ITGB2: variants seen among roughly 807,000 people sequenced by gnomAD.
ITGB2 encodes integrin subunit beta 2.
Under a neutral mutation model 86.8 loss-of-function variants are expected in ITGB2, and 56 were observed. The ratio of observed to expected loss-of-function variants is 0.65; its 90% CI spans 0.52 to 0.81. ITGB2 has a LOEUF of 0.81. Among genes scored for constraint, ITGB2 ranks in the 30% least tolerant of loss-of-function variants. ITGB2 has a pLI of 0.00. For missense variants in ITGB2, 948 were observed against 1,061.2 expected (o/e 0.89, Z 1.48); for synonymous variants, 457 against 450.4 (o/e 1.01, Z -0.19).
At chr21:44,921,800 C>T (rs2146570676), upstream of ITGB2, among the ~76,000 whole-genome samples, 1 of 152,294 alleles carries the variant, frequency 6.6e-6, no homozygotes, top group East Asian at 1.9e-4. Flanking sequence ...CAGCTCACTG[C>T]AACCTCTGCC....
chr21:44,893,540 AG>A lies in ITGB2; in HGVS notation c.1087del (p.Leu363SerfsTer16). On this transcript the variant is annotated frameshift_variant, in exon 10 of 16. Coordinates refer to ENST00000652462, the MANE Select transcript of ITGB2 (RefSeq NM_000211.5). LOFTEE classifies it high-confidence loss of function. Reference protein sequence around the residue: ...VHLIKNAYNKLSSRVFLDHNA... With the variant: ...VHLIKNAYNKXSSRVFLDHNA... ...GTGATCCAGGAAGACCCTGGAGGAG[AG>A]TTTCTGCGGGCAGAGAGCGGTTACT... The A allele has an allele frequency of 6.2e-7, 1 of 1,613,440 alleles. No individual in the cohort carries two copies.
chr21:44,894,223 T>A lies in ITGB2; in HGVS notation c.1084-679A>T, dbSNP rs148284025. Reference sequence around the variant, plus strand: ...CTCACGGGAGGCTACGAGAAGCAAATGGCACCTCCTCCACGGGCCTTCAGT... The same window carrying A: ...CTCACGGGAGGCTACGAGAAGCAAAAGGCACCTCCTCCACGGGCCTTCAGT... On this transcript the variant is annotated intron_variant, in intron 9 of 15. Transcript: ENST00000652462. The A allele has an allele frequency of 7.1e-3, 1,163 of 163,576 alleles. 8 individuals carry two copies. The highest frequency in any genetic ancestry group is 0.011 in the Non-Finnish European group (831 of 73,752). The allele number at this position is 163,576 out of a possible 1,614,324, so 10.1% of individuals were successfully genotyped here.
intron 4 of ITGB2, among the ~76,000 whole-genome samples, chr21:44,905,235 T>A (rs1050910682): frequency 3.3e-5 from 5 of 151,988 alleles, no homozygotes; most frequent in Non-Finnish European, 7.4e-5. Context: ...CCTTCCCAGA[T>A]CCTGCCGCCC....
At chr21:44,886,509 G>T in intron 15 of ITGB2, 79 bp from the exon 16 acceptor site, 2 of 1,496,692 alleles carry the variant, frequency 1.3e-6, no homozygotes, top group Non-Finnish European at 9.3e-7. Flanking sequence ...GACACTCCCC[G>T]CATGGAAGCC....
intron 1 of ITGB2, chr21:44,911,076 G>T: frequency 3.8e-6 from 2 of 528,672 alleles, no homozygotes; most frequent in Non-Finnish European, 6.9e-6. Flanking sequence ...CACACATGCA[G>T]ACGTGTACAC....
intron 12 of ITGB2, 109 bp from the exon 13 acceptor site, chr21:44,889,604 G>A: frequency 9.3e-7 from 1 of 1,069,968 alleles, no homozygotes; most frequent in Non-Finnish European, 1.4e-6. Flanking sequence ...CTCCAGCCTG[G>A]GGGATGTTCC....
chr21:44,901,776 C>A, intron 5 of ITGB2, 43 bp from the exon 6 acceptor site: 1 of 1,583,248 alleles, frequency 6.3e-7, no homozygotes, highest in South Asian at 1.1e-5. Context: ...CAGGCTGGGC[C>A]CAGGTGGGAG....
At chr21:44,887,762 C>T (rs925450955) in intron 14 of ITGB2, among the ~76,000 whole-genome samples, 7 of 152,220 alleles carry the variant, frequency 4.6e-5, no homozygotes, top group South Asian at 2.1e-4. Context: ...CAAAGTGGCC[C>T]GCAGGGGTTC....
At chr21:44,890,354 T>G in intron 11 of ITGB2, 132 bp from the exon 12 acceptor site, 2 of 1,120,146 alleles carry the variant, frequency 1.8e-6, no homozygotes, top group Non-Finnish European at 2.6e-6. Flanking sequence ...CCTCGAGGCC[T>G]ACTGAGCACT....
rs2083694587 is a variant in ITGB2, at chr21:44,886,157, C to A, written c.*211G>T. On this transcript the variant is annotated 3_prime_UTR_variant, in exon 16 of 16. Coordinates refer to ENST00000652462, the MANE Select transcript of ITGB2 (RefSeq NM_000211.5). The stretch of plus-strand genomic sequence containing the variant: ...CCTCAAGCCCTCCCTCCTCAAGTCT[C>A]CATGCAAAGACTGTGCCAGTCAGAG... 2 of 606,750 alleles carry A rather than the reference C, an allele frequency of 3.3e-6. No individual in the cohort carries two copies. Among genetic ancestry groups the A allele is most frequent in the Admixed American group, 5.2e-5 (2 of 38,388 alleles). 37.6% of individuals were successfully genotyped at this position (606,750 alleles called of 1,614,324 possible).
chr21:44,886,611 A>T, intron 15 of ITGB2, 125 bp downstream of exon 15: 1 of 1,482,612 alleles, frequency 6.7e-7, no homozygotes, highest in Non-Finnish European at 9.4e-7. Flanking sequence ...CGCCCAGAGG[A>T]CAAGCTGCCT....
chr21:44,887,166 G>T (rs1274495575), intron 14 of ITGB2, among the ~76,000 whole-genome samples: 1 of 152,166 alleles, frequency 6.6e-6, no homozygotes, highest in Non-Finnish European at 1.5e-5. Flanking sequence ...GCAGGGCCAG[G>T]GTACCGGGCA....
At chr21:44,917,487 C>T (rs1304850901) in intron 1 of ITGB2, among the ~76,000 whole-genome samples, 1 of 152,132 alleles carries the variant, frequency 6.6e-6, no homozygotes, top group Non-Finnish European at 1.5e-5. Context: ...GAAATTGCTC[C>T]TTCGGATTCC....
rs973658802 is a variant in ITGB2, at chr21:44,900,624, T to C, written c.742-149A>G. On this transcript the variant is annotated intron_variant, in intron 6 of 15. Transcript: ENST00000652462. ...CCTGGGTCTCAGGGACCCAGCTGTGTTCCCCCAGACGCCACGCCCAGGAGG... is the reference window on the plus strand; with the variant it reads ...CCTGGGTCTCAGGGACCCAGCTGTGCTCCCCCAGACGCCACGCCCAGGAGG... 38 of 941,304 alleles carry C rather than the reference T, an allele frequency of 4.0e-5. No individual in the cohort carries two copies. In the Admixed American group the frequency reaches 4.5e-4, roughly 11 times the overall value. The allele number at this position is 941,304 out of a possible 1,614,324, so 58.3% of individuals were successfully genotyped here.
rs896459956 is a variant in ITGB2, at chr21:44,888,717, G to C, written c.2056C>G (p.Leu686Val). ...CCTCGGCTCTCATCCACATAGATGA[G>C]GTAGCGGTCCATCCCGTCCTGCTGC... ...LEQQDGMDRY[L>V]IYVDESRECV... Residue 686 changes from leucine (L) to valine (V), a missense_variant, in exon 14 of 16, where the codon CTC becomes GTC. By Grantham distance (32) the Leu-to-Val change is conservative. Transcript: ENST00000652462. The C allele has an allele frequency of 1.9e-6, 3 of 1,610,214 alleles. No individual in the cohort carries two copies. The highest frequency in any genetic ancestry group is 1.7e-5 in the Admixed American group (1 of 60,028).
Position 44,886,379 on chromosome 21 carries a change from C to T in ITGB2, c.2299G>A (p.Ala767Thr), listed in dbSNP as rs1010831564. ...ATTTVMNPKF[A>T]ES ...TTCACCAAGTGCTCCTAACTCTCAG[C>T]AAACTTGGGGTTCATGACCGTCGTG... The change falls in exon 16 of 16, where the codon GCT (alanine) becomes ACT (threonine). Residue 767 changes from alanine (A) to threonine (T), a missense_variant. Ala to Thr is a moderately conservative substitution (Grantham distance 58, BLOSUM62 0). Transcript: ENST00000652462. 1.2e-6 allele frequency: 2 copies of T among 1,614,140 alleles called. No homozygotes were observed. The highest frequency in any genetic ancestry group is 8.5e-7 in the Non-Finnish European group (1 of 1,180,000).
chr21:44,886,094 C>T lies in ITGB2; in HGVS notation c.*274G>A. The stretch of plus-strand genomic sequence containing the variant: ...GCACCACCTTTAATCAGACTGATGT[C>T]CTGACTTGCACAGGAAACACGCACC... On this transcript the variant is annotated 3_prime_UTR_variant, in exon 16 of 16. Transcript: ENST00000652462. The T allele has an allele frequency of 1.8e-6, 1 of 547,314 alleles. No homozygotes were observed. Among genetic ancestry groups the T allele is most frequent in the Non-Finnish European group, 3.3e-6 (1 of 303,666 alleles). 33.9% of individuals were successfully genotyped at this position (547,314 alleles called of 1,614,324 possible). A position where few individuals can be genotyped will look rare whatever the true frequency, so the allele number is the denominator to read the frequency against.
intron 11 of ITGB2, among the ~76,000 whole-genome samples, 164 bp from the exon 12 acceptor site, chr21:44,890,386 A>G (rs2083769827): frequency 6.6e-6 from 1 of 152,238 alleles, no homozygotes. Flanking sequence ...AAATGTGCTC[A>G]AAACGTGCAG....
At chr21:44,902,551 G>C (rs2083977791) in intron 5 of ITGB2, among the ~76,000 whole-genome samples, 1 of 152,012 alleles carries the variant, frequency 6.6e-6, no homozygotes, top group Non-Finnish European at 1.5e-5. Context: ...ATGCATTCAC[G>C]TGTGTGTGCA....
Sources: gnomAD v4.1 joint callset for allele counts (sites outside exome capture counted in the v4.1 genomes callset) on GRCh38, gnomAD v4.1.1 for gene constraint, MANE v1.5 for transcripts, NCBI Gene and HGNC (gene_info 2026-07-23, HGNC 2026-07-21) for gene names.